Variants in CTNND2 observed in about 807,000 individuals in gnomAD.
CTNND2 encodes the protein catenin delta 2, also known as catenin delta-2.
CTNND2 carries 22 observed loss-of-function variants against 144.4 expected under a neutral mutation model. The ratio of observed to expected loss-of-function variants is 0.15; its 90% CI spans 0.11 to 0.22. The LOEUF is 0.22. Among genes scored for constraint, CTNND2 ranks in the 10% least tolerant of loss-of-function variants. The pLI, the probability that CTNND2 is intolerant of heterozygous loss-of-function variation, is 1.00. For synonymous variants in CTNND2, 751 were observed against 695.6 expected (o/e 1.08, Z -1.25); for missense variants, 1,353 against 1,618.8 (o/e 0.84, Z 2.82).
chr5:11,047,260 G>C (rs1425343649), intron 16 of CTNND2, among the ~76,000 whole-genome samples: 1 of 152,208 alleles, frequency 6.6e-6, no homozygotes, highest in Non-Finnish European at 1.5e-5. Context: ...TGTCCAGGAG[G>C]ATGATGTCAC....
chr5:11,598,554 A>G (rs1779631523), intron 2 of CTNND2, among the ~76,000 whole-genome samples: 2 of 152,178 alleles, frequency 1.3e-5, no homozygotes, highest in African/African-American at 2.4e-5. Context: ...GCCTCCTTAA[A>G]TAAGAGGAAA....
chr5:11,022,845 T>C lies in CTNND2; in HGVS notation c.2923A>G (p.Met975Val). 1 of 1,614,272 alleles carries C rather than the reference T, an allele frequency of 6.2e-7. No individual in the cohort carries two copies. Among genetic ancestry groups the C allele is most frequent in the Non-Finnish European group, 8.5e-7 (1 of 1,180,044 alleles). The change falls in exon 17 of 22, where the codon ATG (methionine) becomes GTG (valine). Residue 975 changes from methionine to valine, a missense_variant. Met to Val is a conservative substitution (Grantham distance 21). Coordinates refer to ENST00000304623, the MANE Select transcript of CTNND2 (RefSeq NM_001332.4). Reference protein sequence around the residue: ...CTLHEVITKNMENAKALRDAG... With the variant: ...CTLHEVITKNVENAKALRDAG... Reference sequence around the variant, plus strand: ...TCCCGTAAGGCCTTGGCGTTCTCCATGTTCTTGGTAATCACTTCGTGCAGT... The same window carrying C: ...TCCCGTAAGGCCTTGGCGTTCTCCACGTTCTTGGTAATCACTTCGTGCAGT...
intron 16 of CTNND2, among the ~76,000 whole-genome samples, chr5:11,076,905 AC>A (rs1175713559): frequency 6.6e-6 from 1 of 152,222 alleles, no homozygotes; most frequent in Non-Finnish European, 1.5e-5. Context: ...AAAATCCAGA[AC>A]CAATGATGGA....
chr5:11,042,480 T>C (rs997280424), intron 16 of CTNND2, among the ~76,000 whole-genome samples: 8 of 152,244 alleles, frequency 5.3e-5, no homozygotes, highest in African/African-American at 1.9e-4. Context: ...TAAAATTTCA[T>C]CTTCCTTATT....
chr5:11,395,740 AG>A (rs1760047099), intron 6 of CTNND2, among the ~76,000 whole-genome samples: 1 of 152,270 alleles, frequency 6.6e-6, no homozygotes, highest in African/African-American at 2.4e-5. Context: ...TGCTTGAAGA[AG>A]GTAATGACAT....
intron 1 of CTNND2, among the ~76,000 whole-genome samples, chr5:11,749,498 C>A (rs536710319): frequency 1.4e-3 from 216 of 152,058 alleles, no homozygotes; most frequent in African/African-American, 5.0e-3. Flanking sequence ...CATAGTCCCT[C>A]AGAGTTTATG....
At chr5:11,656,716 G>A (rs1239454514) in intron 2 of CTNND2, among the ~76,000 whole-genome samples, 1 of 152,118 alleles carries the variant, frequency 6.6e-6, no homozygotes, top group Non-Finnish European at 1.5e-5. Context: ...ACAACTACCA[G>A]CTTTGTAACT....
intron 2 of CTNND2, among the ~76,000 whole-genome samples, chr5:11,668,481 TC>T (rs1783695948): frequency 6.6e-6 from 1 of 152,234 alleles, no homozygotes. Flanking sequence ...GTCCTTCATA[TC>T]CCTTGTAAGC....
intron 10 of CTNND2, among the ~76,000 whole-genome samples, chr5:11,220,926 A>G (rs1739726947): frequency 6.6e-6 from 1 of 152,232 alleles, no homozygotes; most frequent in South Asian, 2.1e-4. Flanking sequence ...ATCATCCCAT[A>G]AGTACAATTA....
intron 16 of CTNND2, among the ~76,000 whole-genome samples, chr5:11,041,061 G>C (rs1261564224): frequency 6.6e-6 from 1 of 152,168 alleles, no homozygotes; most frequent in Non-Finnish European, 1.5e-5. Context: ...TCTGAAATTA[G>C]TCCTCCAACC....
At chr5:11,780,040 C>T (rs1257260863) in intron 1 of CTNND2, among the ~76,000 whole-genome samples, 1 of 152,166 alleles carries the variant, frequency 6.6e-6, no homozygotes, top group African/African-American at 2.4e-5. Context: ...AGCGTGATGG[C>T]CCCTTCCTGG....
chr5:11,334,885 G>A (rs1004778993), intron 9 of CTNND2, among the ~76,000 whole-genome samples: 1 of 152,190 alleles, frequency 6.6e-6, no homozygotes, highest in African/African-American at 2.4e-5. Flanking sequence ...AGCATATATT[G>A]AAGTGTCCCT....
At chr5:11,631,347 G>C (rs1195970805) in intron 2 of CTNND2, among the ~76,000 whole-genome samples, 1 of 152,098 alleles carries the variant, frequency 6.6e-6, no homozygotes, top group Non-Finnish European at 1.5e-5. Context: ...CTATAGCAAG[G>C]ATCTATGTCT....
chr5:11,798,598 C>A (rs768912267), intron 1 of CTNND2, among the ~76,000 whole-genome samples: 1 of 152,166 alleles, frequency 6.6e-6, no homozygotes, highest in Non-Finnish European at 1.5e-5. Flanking sequence ...GAAACCCTGT[C>A]TTTACTAAAA....
At chr5:11,634,125 G>A (rs920627170) in intron 2 of CTNND2, among the ~76,000 whole-genome samples, 1 of 152,056 alleles carries the variant, frequency 6.6e-6, no homozygotes, top group African/African-American at 2.4e-5. Context: ...TGAGCATTTG[G>A]CCACAATCAG....
intron 2 of CTNND2, among the ~76,000 whole-genome samples, chr5:11,716,361 T>C (rs1227842674): frequency 6.6e-6 from 1 of 152,242 alleles, no homozygotes; most frequent in Non-Finnish European, 1.5e-5. Flanking sequence ...TTCTCATTCA[T>C]TTATTTATGT....
chr5:11,876,423 C>T (rs940418666), intron 1 of CTNND2, among the ~76,000 whole-genome samples: 1 of 152,160 alleles, frequency 6.6e-6, no homozygotes, highest in Non-Finnish European at 1.5e-5. Context: ...TGGGTCAAAA[C>T]ACAATTCACA....
intron 7 of CTNND2, among the ~76,000 whole-genome samples, chr5:11,383,887 C>A (rs1051138231): frequency 3.3e-5 from 5 of 152,222 alleles, no homozygotes; most frequent in Non-Finnish European, 1.5e-5. Context: ...AGCAGAGAGG[C>A]ACCAGCGCAG....
At chr5:11,218,843 C>A (rs1739487909) in intron 10 of CTNND2, among the ~76,000 whole-genome samples, 1 of 152,150 alleles carries the variant, frequency 6.6e-6, no homozygotes, top group Non-Finnish European at 1.5e-5. Flanking sequence ...GAAAATCCAT[C>A]TTGTTTTCGT....
Sources: gnomAD v4.1 joint callset for allele counts (sites outside exome capture counted in the v4.1 genomes callset) on GRCh38, gnomAD v4.1.1 for gene constraint, MANE v1.5 for transcripts, NCBI Gene and HGNC (gene_info 2026-07-23, HGNC 2026-07-21) for gene names.